Variants in LPCAT1 observed in about 807,000 individuals in gnomAD.
LPCAT1 encodes the protein 1-acylglycerol-3-phosphate O-acyltransferase.
LPCAT1 carries 23 observed loss-of-function variants against 60.9 expected under a neutral mutation model. The observed-to-expected ratio is 0.38, with a 90% CI of 0.27 to 0.53. The LOEUF is 0.53. Among genes scored for constraint, LPCAT1 ranks in the 20% least tolerant of loss-of-function variants. The pLI is 0.82. For synonymous variants in LPCAT1, 340 were observed against 301.1 expected, an observed-to-expected ratio of 1.13 and a Z score of -1.34; for missense variants, 622 against 723.6, an observed-to-expected ratio of 0.86 and a Z score of 1.61.
Position 1,482,047 on chromosome 5 carries a change from C to T in LPCAT1, c.727-1071G>A, listed in dbSNP as rs560219046. 9.5e-4 allele frequency among the ~76,000 whole-genome samples: 145 copies of T among 152,294 alleles called. 3 individuals are homozygous for T. The South Asian group carries it at 0.028, about 29-fold the overall frequency. Reference sequence around the variant, plus strand: ...CATCACAAAAAGGAACTGCTATAGACGGGAAGCTCGCTGTGATGGGCAGGC... The same window carrying T: ...CATCACAAAAAGGAACTGCTATAGATGGGAAGCTCGCTGTGATGGGCAGGC... On this transcript the variant is annotated intron_variant, in intron 6 of 13. Coordinates refer to ENST00000283415, the MANE Select transcript of LPCAT1 (RefSeq NM_024830.5).
intron 1 of LPCAT1, among the ~76,000 whole-genome samples, chr5:1,512,139 C>T (rs1001490061): frequency 6.6e-6 from 1 of 152,226 alleles, no homozygotes; most frequent in African/African-American, 2.4e-5. Flanking sequence ...GTGAGCCCCA[C>T]GGCCACCCGG....
chr5:1,513,963 G>A (rs900964412), intron 1 of LPCAT1, among the ~76,000 whole-genome samples: 15 of 152,152 alleles, frequency 9.9e-5, no homozygotes, highest in African/African-American at 2.2e-4. Context: ...GCTCTCACCC[G>A]TGGGGCGGGA....
rs1037847101 is a variant in LPCAT1, at chr5:1,523,025, G to C, written c.135+685C>G. Among the ~76,000 whole-genome samples, 3 of 152,180 alleles carry C rather than the reference G, an allele frequency of 2.0e-5. No individual in the cohort carries two copies. Among genetic ancestry groups the C allele is most frequent in the African/African-American group, 4.8e-5 (2 of 41,438 alleles). On this transcript the variant is annotated intron_variant, in intron 1 of 13. Transcript: ENST00000283415. The surrounding 1 kb of genome is among the most constrained non-coding windows in gnomAD (Gnocchi z 7.1). ...AGCCCAGGTTGCATAAAGTTGATTCGGGTCAGACCAGCCCCGAGAAAGCAT... is the reference window on the plus strand; with the variant it reads ...AGCCCAGGTTGCATAAAGTTGATTCCGGTCAGACCAGCCCCGAGAAAGCAT...
At position 1,465,189 on chromosome 5, in the gene LPCAT1, G is replaced by A. The variant is rs111206044; in HGVS notation, c.1421-1354C>T. ...ATGCACACACACAAAACAAGCGCAC[G>A]CGCACACAGTAACTAAACACACATG... On this transcript the variant is annotated intron_variant, in intron 13 of 13. Transcript: ENST00000283415. Among the ~76,000 whole-genome samples, 1,165 of 137,566 alleles carry A rather than the reference G, an allele frequency of 8.5e-3. 14 individuals are homozygous for A. The highest frequency in any genetic ancestry group is 0.028 in the South Asian group (121 of 4,310). The allele number at this position is 137,566 out of a possible 152,430, so 90.2% of individuals were successfully genotyped here.
chr5:1,520,278 A>C (rs1736631288), intron 1 of LPCAT1, among the ~76,000 whole-genome samples: 1 of 152,208 alleles, frequency 6.6e-6, no homozygotes, highest in Admixed American at 6.5e-5. Flanking sequence ...AAAAAATCAC[A>C]ACTCAGGTAT....
Position 1,487,635 on chromosome 5 carries a change from G to A in LPCAT1, c.667+756C>T, listed in dbSNP as rs534972043. Among the ~76,000 whole-genome samples the A allele has an allele frequency of 1.3e-5, 2 of 152,282 alleles. No homozygotes were observed. Among genetic ancestry groups the A allele is most frequent in the East Asian group, 1.9e-4 (1 of 5,170 alleles). On this transcript the variant is annotated intron_variant, in intron 5 of 13. Transcript: ENST00000283415. This position sits in a 1 kb window ranked among gnomAD's most constrained non-coding sequence, Gnocchi z 6.1. ...CACGGCAGCCGGTGCCAGTGTGAGCGAGGAACTGGCTTTTCCACGTGACTC... is the reference window on the plus strand; with the variant it reads ...CACGGCAGCCGGTGCCAGTGTGAGCAAGGAACTGGCTTTTCCACGTGACTC...
At chr5:1,468,097 C>A (rs1451010967) in intron 12 of LPCAT1, among the ~76,000 whole-genome samples, 2 of 152,172 alleles carry the variant, frequency 1.3e-5, no homozygotes, top group Non-Finnish European at 2.9e-5. Context: ...AACGCTGACG[C>A]CTCCAGCCTT....
intron 3 of LPCAT1, among the ~76,000 whole-genome samples, chr5:1,493,462 C>G (rs1406216889): frequency 1.3e-5 from 2 of 152,248 alleles, no homozygotes; most frequent in Non-Finnish European, 2.9e-5. Context: ...CATATGAATG[C>G]TAACGTTAGG....
chr5:1,474,362 G>A (rs1325444982), intron 10 of LPCAT1, among the ~76,000 whole-genome samples, 198 bp downstream of exon 10: 3 of 152,200 alleles, frequency 2.0e-5, no homozygotes, highest in South Asian at 2.1e-4. Flanking sequence ...GCCCTCCTGG[G>A]GCGCCGTCCA....
In LPCAT1 at chr5:1,483,715, A is replaced by G. The variant is rs996262437; in HGVS notation, c.668-229T>C. On this transcript the variant is annotated intron_variant, in intron 5 of 13. Coordinates refer to ENST00000283415, the MANE Select transcript of LPCAT1 (RefSeq NM_024830.5). The surrounding 1 kb of genome is among the most constrained non-coding windows in gnomAD (Gnocchi z 9.2). The stretch of plus-strand genomic sequence containing the variant: ...GGCCAGGGGCGCTCCCCGGCCAAGG[A>G]ACACTTTCTGTTTTAACATCGCGCA... Among the ~76,000 whole-genome samples the G allele has an allele frequency of 1.3e-5, 2 of 152,128 alleles. No homozygotes were observed. The highest frequency in any genetic ancestry group is 1.3e-4 in the Admixed American group (2 of 15,276).
intron 13 of LPCAT1, among the ~76,000 whole-genome samples, chr5:1,464,977 T>C (rs114432833): frequency 0.029 from 3,675 of 125,772 alleles, 169 homozygotes; most frequent in African/African-American, 0.11. Flanking sequence ...CACGCACACA[T>C]ACAAAACAAG....
chr5:1,477,448 C>T lies in LPCAT1; in HGVS notation c.855G>A (p.Arg285=). Residue 285 remains arginine (R), a synonymous_variant, in exon 9 of 14, where the codon AGG becomes AGA. Coordinates refer to ENST00000283415, the MANE Select transcript of LPCAT1 (RefSeq NM_024830.5). This position sits in a 1 kb window ranked among gnomAD's most constrained non-coding sequence, Gnocchi z 6.0. ...PVYSPSEEEK[R]NPALYASNVR... ...CGTTGCTGGCATACAGCGCGGGGTT[C>T]CTCTTCTCCTCCTCAGAAGGGCTGT... 6.2e-7 allele frequency: 1 copy of T among 1,614,056 alleles called. No homozygotes were observed. The highest frequency in any genetic ancestry group is 8.5e-7 in the Non-Finnish European group (1 of 1,179,960).
chr5:1,499,271 T>G (rs951187794), intron 2 of LPCAT1, among the ~76,000 whole-genome samples: 31 of 152,296 alleles, frequency 2.0e-4, no homozygotes, highest in Middle Eastern at 6.8e-3. Context: ...TCCTGCCTCC[T>G]GAGACAGAAC....
At chr5:1,485,282 T>C (rs1013677429) in intron 5 of LPCAT1, among the ~76,000 whole-genome samples, 1 of 151,982 alleles carries the variant, frequency 6.6e-6, no homozygotes, top group Middle Eastern at 3.4e-3. Flanking sequence ...GAAACCCCGG[T>C]GGGAAAGTCT....
At chr5:1,478,357 G>C (rs996418122) in intron 8 of LPCAT1, among the ~76,000 whole-genome samples, 1 of 152,250 alleles carries the variant, frequency 6.6e-6, no homozygotes, top group African/African-American at 2.4e-5. Context: ...AAACTGCCAT[G>C]GTTCCTTGCA....
At chr5:1,504,049 T>TTA in intron 1 of LPCAT1, among the ~76,000 whole-genome samples, 1 of 152,186 alleles carries the variant, frequency 6.6e-6, no homozygotes, top group South Asian at 2.1e-4. Context: ...TTTTGGCTCT[T>TTA]ATTAGTTCCT....
At chr5:1,503,240 A>T (rs898614210) in intron 1 of LPCAT1, among the ~76,000 whole-genome samples, 4 of 152,184 alleles carry the variant, frequency 2.6e-5, no homozygotes, top group Non-Finnish European at 5.9e-5. Flanking sequence ...CACTCGCTGC[A>T]CCAAGCAACC....
intron 13 of LPCAT1, among the ~76,000 whole-genome samples, chr5:1,464,645 A>C (rs541345208): frequency 3.5e-5 from 3 of 85,020 alleles, no homozygotes; most frequent in Non-Finnish European, 9.4e-5. Flanking sequence ...ACATGCGTGC[A>C]CACACACACA....
intron 1 of LPCAT1, among the ~76,000 whole-genome samples, chr5:1,508,354 A>C (rs1736248632): frequency 6.6e-6 from 1 of 152,210 alleles, no homozygotes; most frequent in South Asian, 2.1e-4. Context: ...CCAGGACTCC[A>C]GAGGGTGACT....
Sources: allele counts gnomAD v4.1 joint callset (sites outside exome capture counted in the v4.1 genomes callset), GRCh38; gene constraint gnomAD v4.1.1; non-coding constraint Gnocchi (gnomAD v3.1); transcripts MANE v1.5; gene names NCBI Gene and HGNC (gene_info 2026-07-23, HGNC 2026-07-21).